DACH1: variants seen among roughly 807,000 people sequenced by gnomAD.
DACH1 encodes dachshund family transcription factor 1, also known as dachshund homolog 1.
DACH1 carries 12 observed loss-of-function variants against 54.2 expected under a neutral mutation model. The observed-to-expected ratio is 0.22, with a 90% CI of 0.14 to 0.36. DACH1 has a LOEUF of 0.36. Ranked by LOEUF, DACH1 falls within the 10% of genes least tolerant of loss-of-function variation. The pLI is 1.00. For missense variants in DACH1, 805 were observed against 929.8 expected (o/e 0.87, Z 1.75); for synonymous variants, 386 against 366.2 (o/e 1.05, Z -0.62).
rs117283720 is a variant in DACH1, at chr13:71,708,658, G to T, written c.849-26748C>A. Among the ~76,000 whole-genome samples the T allele has an allele frequency of 7.1e-3, 1,074 of 151,690 alleles. 7 individuals are homozygous for T. The highest frequency in any genetic ancestry group is 0.045 in the Middle Eastern group (13 of 290). The stretch of plus-strand genomic sequence containing the variant: ...GTGTAATAACTGCAAAATAATCTTC[G>T]TTGAAGATTTAAATAGCCTACAGTG... On this transcript the variant is annotated intron_variant, in intron 1 of 10. Coordinates refer to ENST00000613252, the MANE Select transcript of DACH1 (RefSeq NM_080759.6).
At chr13:71,781,151 T>A (rs1886354751) in intron 1 of DACH1, among the ~76,000 whole-genome samples, 1 of 151,738 alleles carries the variant, frequency 6.6e-6, no homozygotes, top group Non-Finnish European at 1.5e-5. Context: ...TTTGAAACTT[T>A]CACTGTGCCT....
chr13:71,472,671 A>G (rs1277519384), intron 10 of DACH1, among the ~76,000 whole-genome samples: 1 of 151,352 alleles, frequency 6.6e-6, no homozygotes. Context: ...GGACAGTTGG[A>G]GAGAGAAAGT....
At chr13:71,799,766 G>A (rs1408448695) in intron 1 of DACH1, among the ~76,000 whole-genome samples, 1 of 152,086 alleles carries the variant, frequency 6.6e-6, no homozygotes, top group Non-Finnish European at 1.5e-5. Context: ...CATAGGTGCA[G>A]AATGTATTTT....
chr13:71,853,814 G>T (rs529032405), intron 1 of DACH1, among the ~76,000 whole-genome samples: 1 of 152,076 alleles, frequency 6.6e-6, no homozygotes, highest in Non-Finnish European at 1.5e-5. Context: ...ACAAATTTTT[G>T]ATTCTAACAA....
rs144694688 is a variant in DACH1, at chr13:71,616,502, T to C, written c.1126+14054A>G. 1.2e-3 allele frequency among the ~76,000 whole-genome samples: 189 copies of C among 152,228 alleles called. 2 individuals carry two copies. In the East Asian group the frequency reaches 0.03, roughly 24 times the overall value. On this transcript the variant is annotated intron_variant, in intron 3 of 10. Transcript: ENST00000613252. ...TGGCTCACATCAGTAATCCCAACAATTTGGGAGTCCAAGAGGGGAGGATCG... is the reference window on the plus strand; with the variant it reads ...TGGCTCACATCAGTAATCCCAACAACTTGGGAGTCCAAGAGGGGAGGATCG...
intron 2 of DACH1, among the ~76,000 whole-genome samples, chr13:71,677,783 G>A (rs144845527): frequency 0.031 from 4,702 of 152,052 alleles, 206 homozygotes; most frequent in African/African-American, 0.092. Context: ...GCAGTGGTGC[G>A]ATCTCGGCTC....
rs200470464 is a variant in DACH1, at chr13:71,479,263, T to C, written c.1776A>G (p.Gln592=). The part of the protein sequence containing the change: ...DNARAQEKQV[Q]LEKTELKMDF... ...CCATCTTCAGCTCAGTTTTTTCCAG[T>C]TGGACCTGTTTCTCTTGAGCTCTGG... is the stretch of plus-strand genomic sequence containing the variant. Residue 592 remains glutamine, a synonymous_variant, in exon 8 of 11, where the codon CAA becomes CAG. Transcript: ENST00000613252. 2.5e-6 allele frequency: 4 copies of C among 1,613,664 alleles called. No individual in the cohort carries two copies. The highest frequency in any genetic ancestry group is 3.3e-5 in the Admixed American group (2 of 59,990).
chr13:71,738,896 A>G lies in DACH1; in HGVS notation c.849-56986T>C, dbSNP rs1054580730. ...GAAAGTTAATAAATTTTTATGGAAG[A>G]CAATGTACAAGAAGTTGTAGTCTAC... is the stretch of plus-strand genomic sequence containing the variant. On this transcript the variant is annotated intron_variant, in intron 1 of 10. Transcript: ENST00000613252. Among the ~76,000 whole-genome samples, 2 of 152,034 alleles carry G rather than the reference A, an allele frequency of 1.3e-5. 1 individual carries two copies. Among genetic ancestry groups the G allele is most frequent in the South Asian group, 4.2e-4 (2 of 4,816 alleles).
intron 1 of DACH1, among the ~76,000 whole-genome samples, chr13:71,690,086 A>T (rs969030160): frequency 6.6e-6 from 1 of 152,160 alleles, no homozygotes. Flanking sequence ...AATTCTTTAC[A>T]TCCATGGTAA....
intron 3 of DACH1, among the ~76,000 whole-genome samples, chr13:71,628,817 T>C (rs1044687504): frequency 3.3e-5 from 5 of 152,112 alleles, no homozygotes; most frequent in African/African-American, 9.7e-5. Flanking sequence ...CTTTATCTTA[T>C]GCCTGTTGAT....
intron 1 of DACH1, among the ~76,000 whole-genome samples, chr13:71,798,272 C>T (rs1410590999): frequency 6.8e-6 from 1 of 146,298 alleles, no homozygotes; most frequent in Non-Finnish European, 1.5e-5. Context: ...CCCTTTCCGG[C>T]ATCAAGCAAA....
intron 3 of DACH1, among the ~76,000 whole-genome samples, chr13:71,619,349 T>C (rs1744805258): frequency 6.6e-6 from 1 of 151,952 alleles, no homozygotes; most frequent in African/African-American, 2.4e-5. Context: ...GGTCACTCTG[T>C]TCCATTTATA....
intron 10 of DACH1, among the ~76,000 whole-genome samples, chr13:71,468,479 C>A (rs1445692266): frequency 6.6e-6 from 1 of 152,182 alleles, no homozygotes; most frequent in African/African-American, 2.4e-5. Flanking sequence ...CCCATTCCCA[C>A]ACCGATCTTA....
At chr13:71,594,863 T>C (rs1008318897) in intron 3 of DACH1, among the ~76,000 whole-genome samples, 9 of 152,124 alleles carry the variant, frequency 5.9e-5, no homozygotes, top group African/African-American at 2.2e-4. Context: ...TTCTAGTTAC[T>C]AGGATTAGCA....
chr13:71,852,363 G>T (rs1873724184), intron 1 of DACH1, among the ~76,000 whole-genome samples: 1 of 143,488 alleles, frequency 7.0e-6, no homozygotes, highest in African/African-American at 2.6e-5. Context: ...TTAAAGTGCT[G>T]CTTTTTTTTT....
At chr13:71,600,472 T>C (rs1421078064) in intron 3 of DACH1, among the ~76,000 whole-genome samples, 1 of 152,064 alleles carries the variant, frequency 6.6e-6, no homozygotes, top group East Asian at 1.9e-4. Flanking sequence ...TCCTTATAAC[T>C]ACAATGATTA....
chr13:71,806,626 A>T (rs76296583), intron 1 of DACH1, among the ~76,000 whole-genome samples: 2,195 of 152,254 alleles, frequency 0.014, 45 homozygotes, highest in African/African-American at 0.049. Context: ...ATCAAAATCA[A>T]ATTATTTAAA....
chr13:71,652,416 G>C (rs1878749433), intron 2 of DACH1, among the ~76,000 whole-genome samples: 1 of 152,008 alleles, frequency 6.6e-6, no homozygotes, highest in African/African-American at 2.4e-5. Context: ...GCAATGCTTA[G>C]GCTTTCATAA....
At chr13:71,457,896 A>T (rs1875722657) in intron 10 of DACH1, among the ~76,000 whole-genome samples, 1 of 151,882 alleles carries the variant, frequency 6.6e-6, no homozygotes, top group African/African-American at 2.4e-5. Context: ...TCTAAATGAC[A>T]CATTGTCACA....
Sources: gnomAD v4.1 joint callset for allele counts (sites outside exome capture counted in the v4.1 genomes callset) on GRCh38, gnomAD v4.1.1 for gene constraint, MANE v1.5 for transcripts, NCBI Gene and HGNC (gene_info 2026-07-23, HGNC 2026-07-21) for gene names.